The following MED13L variants were observed in gnomAD, a reference collection of about 807,000 sequenced individuals.
MED13L encodes the protein mediator of RNA polymerase II transcription subunit 13-like.
A neutral mutation model predicts 220.9 loss-of-function variants in MED13L; 7 were observed. The observed-to-expected ratio is 0.03, with a 90% CI of 0.02 to 0.06. The LOEUF is 0.06. MED13L is among the 10% of genes least tolerant of loss of function. MED13L has a pLI of 1.00. For synonymous variants in MED13L, 1,011 were observed against 1,015.2 expected, an observed-to-expected ratio of 1.00 and a Z score of 0.08; for missense variants, 1,965 against 2,760.5, an observed-to-expected ratio of 0.71 and a Z score of 6.46.
chr12:116,205,356 C>G (rs1042878182), intron 2 of MED13L, among the ~76,000 whole-genome samples: 1 of 151,186 alleles, frequency 6.6e-6, no homozygotes, highest in African/African-American at 2.4e-5. Context: ...TTTTTACACT[C>G]AATGAGACTC....
chr12:116,165,231 G>A (rs934244350), intron 2 of MED13L, among the ~76,000 whole-genome samples: 3 of 148,976 alleles, frequency 2.0e-5, no homozygotes, highest in African/African-American at 7.5e-5. Flanking sequence ...AGATAGAAAG[G>A]GCTTAAGGCA....
intron 23 of MED13L, among the ~76,000 whole-genome samples, chr12:115,979,192 T>C (rs1484796523): frequency 1.3e-5 from 2 of 152,336 alleles, no homozygotes; most frequent in Non-Finnish European, 2.9e-5. Flanking sequence ...GTAAAATCAT[T>C]TACTTCTCTC....
intron 9 of MED13L, among the ~76,000 whole-genome samples, chr12:116,012,478 C>T (rs1758615320): frequency 6.6e-6 from 1 of 152,118 alleles, no homozygotes; most frequent in East Asian, 1.9e-4. Flanking sequence ...TAATGTATCT[C>T]TACTTTAAAA....
At chr12:116,198,241 A>G (rs1881769600) in intron 2 of MED13L, among the ~76,000 whole-genome samples, 3 of 152,106 alleles carry the variant, frequency 2.0e-5, no homozygotes, top group South Asian at 2.1e-4. Flanking sequence ...CATCCATCTT[A>G]TATCACAAGC....
At chr12:116,080,830 A>G (rs1432705756) in intron 4 of MED13L, among the ~76,000 whole-genome samples, 1 of 152,192 alleles carries the variant, frequency 6.6e-6, no homozygotes, top group African/African-American at 2.4e-5. Context: ...TCACTGCAGT[A>G]TGTGCATTAT....
At position 116,148,604 on chromosome 12, in the gene MED13L, G is replaced by GAT. The variant is rs751167306; in HGVS notation, c.311-37094_311-37093dup. The GAT allele has an allele frequency of 1.0e-4, 18 of 177,998 alleles. 1 individual carries two copies. Among genetic ancestry groups the GAT allele is most frequent in the South Asian group, 7.4e-4 (14 of 18,984 alleles). 11.0% of individuals were successfully genotyped at this position (177,998 alleles called of 1,614,324 possible). ...CTATATCTATCTCCATATATATGGAGATATCTATATATATATATATATATA... is the reference window on the plus strand; with the variant it reads ...CTATATCTATCTCCATATATATGGAGATATATCTATATATATATATATATATA... On this transcript the variant is annotated intron_variant, in intron 2 of 30. Transcript: ENST00000281928.
At chr12:116,135,734 G>C (rs2138023627) in intron 2 of MED13L, among the ~76,000 whole-genome samples, 1 of 152,172 alleles carries the variant, frequency 6.6e-6, no homozygotes. Flanking sequence ...AATAGGGAGA[G>C]GAGCAAGTAC....
intron 1 of MED13L, among the ~76,000 whole-genome samples, chr12:116,243,341 A>C (rs1870817175): frequency 6.6e-6 from 1 of 152,148 alleles, no homozygotes; most frequent in African/African-American, 2.4e-5. Flanking sequence ...CTTGAGCAGT[A>C]GGATATAAAT....
chr12:116,141,798 T>C (rs1877098947), intron 2 of MED13L, among the ~76,000 whole-genome samples: 1 of 152,126 alleles, frequency 6.6e-6, no homozygotes, highest in Admixed American at 6.5e-5. Context: ...ATGGTTAAGT[T>C]AGCTCACTCA....
At chr12:116,185,000 T>C (rs1565917771) in intron 2 of MED13L, among the ~76,000 whole-genome samples, 5 of 152,192 alleles carry the variant, frequency 3.3e-5, no homozygotes, top group South Asian at 2.1e-4. Context: ...TAATGAATCA[T>C]AGACATTCTA....
intron 2 of MED13L, chr12:116,181,087 T>C (rs1022141886): frequency 1.3e-5 from 2 of 152,100 alleles, no homozygotes; most frequent in South Asian, 2.1e-4. Flanking sequence ...CACGCCACCA[T>C]GCTAGGCTAA....
At chr12:116,121,598 T>C (rs1875099680) in intron 2 of MED13L, among the ~76,000 whole-genome samples, 1 of 152,168 alleles carries the variant, frequency 6.6e-6, no homozygotes, top group Non-Finnish European at 1.5e-5. Flanking sequence ...GCTCATGCTT[T>C]TAGAATTCAG....
chr12:115,992,396 G>A (rs1878122215), intron 16 of MED13L, among the ~76,000 whole-genome samples: 2 of 146,064 alleles, frequency 1.4e-5, no homozygotes, highest in Non-Finnish European at 1.5e-5. Flanking sequence ...TTACATTTTT[G>A]TCATTTTTTT....
At chr12:116,119,100 T>C (rs1874782617) in intron 2 of MED13L, among the ~76,000 whole-genome samples, 1 of 152,188 alleles carries the variant, frequency 6.6e-6, no homozygotes. Context: ...GGCTTCTTCA[T>C]TATCACTATC....
chr12:116,139,807 T>C (rs1593090204), intron 2 of MED13L, among the ~76,000 whole-genome samples: 1 of 151,916 alleles, frequency 6.6e-6, no homozygotes, highest in East Asian at 1.9e-4. Context: ...CCATCTCTAC[T>C]AAAAATACAA....
At chr12:116,138,029 T>C (rs1467720412) in intron 2 of MED13L, among the ~76,000 whole-genome samples, 1 of 152,018 alleles carries the variant, frequency 6.6e-6, no homozygotes, top group East Asian at 1.9e-4. Context: ...GCTAATTTTG[T>C]ATTTTTAGTA....
chr12:116,239,368 G>C (rs1008512946), intron 1 of MED13L, among the ~76,000 whole-genome samples: 39 of 152,028 alleles, frequency 2.6e-4, no homozygotes, highest in African/African-American at 9.2e-4. Flanking sequence ...AAGTTCAGAA[G>C]TAATACACCA....
At chr12:116,183,803 G>GGTGTGTGT (rs66691805) in intron 2 of MED13L, among the ~76,000 whole-genome samples, 6,475 of 110,022 alleles carry the variant, frequency 0.059, 163 homozygotes, top group Non-Finnish European at 0.07. Flanking sequence ...TAGAAAAAAT[G>GGTGTGTGT]GTGTGTGTGT....
chr12:116,005,030 G>GT (rs1207321491), intron 13 of MED13L, among the ~76,000 whole-genome samples: 16 of 152,148 alleles, frequency 1.1e-4, no homozygotes, highest in African/African-American at 3.9e-4. Flanking sequence ...TATAAGGGTG[G>GT]TAATTTAATC....
Sources: gnomAD v4.1 joint callset for allele counts (sites outside exome capture counted in the v4.1 genomes callset) on GRCh38, gnomAD v4.1.1 for gene constraint, MANE v1.5 for transcripts, NCBI Gene and HGNC (gene_info 2026-07-23, HGNC 2026-07-21) for gene names.